The following GSK3B variants were observed in gnomAD, a reference collection of about 807,000 sequenced individuals.
GSK3B encodes glycogen synthase kinase-3 beta.
Under a neutral mutation model 56.4 loss-of-function variants are expected in GSK3B, and 15 were observed. The ratio of observed to expected loss-of-function variants is 0.27; its 90% CI spans 0.18 to 0.41. The LOEUF (loss-of-function observed/expected upper bound fraction) is 0.41. Ranked by LOEUF, GSK3B falls within the 10% of genes least tolerant of loss-of-function variation. GSK3B has a pLI of 1.00. For synonymous variants in GSK3B, 181 were observed against 188.9 expected (o/e 0.96, Z 0.34); for missense variants, 300 against 513.4 (o/e 0.58, Z 4.02).
intron 1 of GSK3B, among the ~76,000 whole-genome samples, chr3:120,089,889 G>A (rs973316488): frequency 3.3e-5 from 5 of 152,092 alleles, no homozygotes; most frequent in African/African-American, 1.2e-4. Flanking sequence ...CAAGTAAAAA[G>A]TAGTATTTCA....
intron 9 of GSK3B, 82 bp downstream of exon 9, chr3:119,863,337 G>A: frequency 8.7e-7 from 1 of 1,146,212 alleles, no homozygotes; most frequent in Non-Finnish European, 1.3e-6. Context: ...GTCCTCCACA[G>A]ATTTTAATTA....
chr3:119,983,736 T>G (rs999338444), intron 2 of GSK3B, among the ~76,000 whole-genome samples: 1 of 152,146 alleles, frequency 6.6e-6, no homozygotes, highest in Non-Finnish European at 1.5e-5. Context: ...CAAAGAGACT[T>G]AGACTCCTAC....
chr3:119,872,656 G>A (rs2056262874), intron 8 of GSK3B, among the ~76,000 whole-genome samples: 1 of 152,140 alleles, frequency 6.6e-6, no homozygotes, highest in Non-Finnish European at 1.5e-5. Flanking sequence ...CAGGGCAGTG[G>A]AGACAGAGAA....
Position 119,923,357 on chromosome 3 carries a change from TTA to T in GSK3B, c.477+14_477+15del, listed in dbSNP as rs754562150. On this transcript the variant is annotated intron_variant, in intron 4 of 10. Coordinates refer to ENST00000264235, the MANE Select transcript of GSK3B (RefSeq NM_001146156.2). Reference sequence around the variant, plus strand: ...AAATGTTTTCTAAAATGGAAAATTGTTATGTTTTTACATACCTTGACATAAAT... The same window carrying T: ...AAATGTTTTCTAAAATGGAAAATTGTTGTTTTTACATACCTTGACATAAAT... The T allele has an allele frequency of 5.3e-6, 7 of 1,328,674 alleles. No individual in the cohort carries two copies. The highest frequency in any genetic ancestry group is 6.5e-6 in the Non-Finnish European group (6 of 926,882). 82.3% of individuals were successfully genotyped at this position (1,328,674 alleles called of 1,614,324 possible). A position where few individuals can be genotyped will look rare whatever the true frequency, so the allele number is the denominator to read the frequency against.
chr3:119,862,437 G>A (rs1299366569), intron 9 of GSK3B, among the ~76,000 whole-genome samples: 3 of 131,518 alleles, frequency 2.3e-5, no homozygotes, highest in Non-Finnish European at 4.8e-5. Flanking sequence ...TGACACATTA[G>A]TGGGTGCAGC....
chr3:119,878,153 T>C (rs1244570193), intron 7 of GSK3B, among the ~76,000 whole-genome samples: 1 of 152,180 alleles, frequency 6.6e-6, no homozygotes, highest in Non-Finnish European at 1.5e-5. Context: ...AAAAAGTTTG[T>C]TCTTTAAAAG....
intron 7 of GSK3B, among the ~76,000 whole-genome samples, chr3:119,878,842 A>G (rs1031009632): frequency 1.3e-5 from 2 of 152,164 alleles, no homozygotes; most frequent in Non-Finnish European, 2.9e-5. Context: ...AAGAGTACCT[A>G]AAGTATAATC....
intron 7 of GSK3B, among the ~76,000 whole-genome samples, chr3:119,894,562 A>C (rs982098290): frequency 1.3e-5 from 2 of 152,068 alleles, no homozygotes; most frequent in African/African-American, 2.4e-5. Context: ...TTCTTTAGAG[A>C]AGTGTCTATG....
intron 8 of GSK3B, among the ~76,000 whole-genome samples, chr3:119,870,053 G>T (rs2056232624): frequency 6.6e-6 from 1 of 152,156 alleles, no homozygotes; most frequent in African/African-American, 2.4e-5. Flanking sequence ...TCCACCTTGA[G>T]AGATATTCAC....
intron 2 of GSK3B, among the ~76,000 whole-genome samples, chr3:119,960,151 CAAAAAA>C (rs574956694): frequency 2.7e-5 from 2 of 74,648 alleles, no homozygotes; most frequent in Non-Finnish European, 5.0e-5. Context: ...TATGCTGAGA[CAAAAAA>C]AAAAAAAAAA....
intron 10 of GSK3B, among the ~76,000 whole-genome samples, chr3:119,833,572 T>G (rs918664138): frequency 6.6e-6 from 1 of 152,108 alleles, no homozygotes; most frequent in Non-Finnish European, 1.5e-5. Flanking sequence ...ACAAAATTAT[T>G]AAACATTTTA....
At chr3:119,977,305 G>C (rs988103918) in intron 2 of GSK3B, among the ~76,000 whole-genome samples, 1 of 152,058 alleles carries the variant, frequency 6.6e-6, no homozygotes, top group Non-Finnish European at 1.5e-5. Context: ...CCACTGCAAG[G>C]AACATCATTA....
At chr3:119,944,555 C>T (rs1437453519) in intron 3 of GSK3B, among the ~76,000 whole-genome samples, 1 of 152,100 alleles carries the variant, frequency 6.6e-6, no homozygotes, top group African/African-American at 2.4e-5. Context: ...TAAATATTGC[C>T]AAACCGCTGA....
At position 120,005,801 on chromosome 3, in the gene GSK3B, G is replaced by A. The variant is rs537407813; in HGVS notation, c.89-3562C>T. ...GCACTAAACATGGATAGCAACAACC[G>A]GTAGCAGCCATTGCAAAAACATGCC... On this transcript the variant is annotated intron_variant, in intron 1 of 10. Coordinates refer to ENST00000264235, the MANE Select transcript of GSK3B (RefSeq NM_001146156.2). Among the ~76,000 whole-genome samples the A allele has an allele frequency of 1.1e-3, 168 of 152,184 alleles. 4 individuals are homozygous for A. The South Asian group carries it at 0.027, about 24-fold the overall frequency.
intron 9 of GSK3B, among the ~76,000 whole-genome samples, chr3:119,846,123 C>T (rs966756789): frequency 6.6e-6 from 1 of 152,160 alleles, no homozygotes; most frequent in Non-Finnish European, 1.5e-5. Flanking sequence ...TGGACCCCTT[C>T]CTTATACCTT....
In GSK3B at chr3:119,823,370, G is replaced by A. The variant is rs2055444854; in HGVS notation, c.*3418C>T. 3 of 202,712 alleles carry A rather than the reference G, an allele frequency of 1.5e-5. No homozygotes were observed. Among genetic ancestry groups the A allele is most frequent in the African/African-American group, 4.6e-5 (2 of 43,656 alleles). The allele number at this position is 202,712 out of a possible 1,614,324, so 12.6% of individuals were successfully genotyped here. The stretch of plus-strand genomic sequence containing the variant: ...TAAAACAACAGTCCTCTATTGGCAC[G>A]GTGGCACTCCGTGCAGTAACTGCTA... On this transcript the variant is annotated 3_prime_UTR_variant, in exon 11 of 11. Transcript: ENST00000264235.
At chr3:119,879,536 TAATTA>T (rs967726412) in intron 7 of GSK3B, among the ~76,000 whole-genome samples, 8 of 152,128 alleles carry the variant, frequency 5.3e-5, no homozygotes, top group Admixed American at 3.9e-4. Flanking sequence ...TTTCGATATT[TAATTA>T]AATTATTATT....
chr3:119,845,948 G>C (rs1342569037), intron 9 of GSK3B, among the ~76,000 whole-genome samples: 2 of 152,114 alleles, frequency 1.3e-5, no homozygotes, highest in Non-Finnish European at 2.9e-5. Flanking sequence ...TACCAAAAAA[G>C]ATATACAGAC....
chr3:120,094,382 C>A lies in GSK3B; in HGVS notation c.-948G>T. On this transcript the variant is annotated 5_prime_UTR_variant, in exon 1 of 11. Transcript: ENST00000264235. ...TTCCTTCCTTCCTTTGTCACTTGGC[C>A]CGGGCGGCGGCGGCGGCGGCGGCGG... The A allele has an allele frequency of 1.7e-5, 5 of 295,888 alleles. No individual in the cohort carries two copies. The South Asian group carries it at 2.3e-4, about 14-fold the overall frequency. The allele number at this position is 295,888 out of a possible 1,614,324, so 18.3% of individuals were successfully genotyped here. A position where few individuals can be genotyped will look rare whatever the true frequency, so the allele number is the denominator to read the frequency against.
Sources: allele counts gnomAD v4.1 joint callset (sites outside exome capture counted in the v4.1 genomes callset), GRCh38; gene constraint gnomAD v4.1.1; transcripts MANE v1.5; gene names NCBI Gene and HGNC (gene_info 2026-07-23, HGNC 2026-07-21).